The following ADAMTS1 variants were observed in gnomAD, a reference collection of about 807,000 sequenced individuals.
ADAMTS1 encodes A disintegrin and metalloproteinase with thrombospondin motifs 1.
A neutral mutation model predicts 87.9 loss-of-function variants in ADAMTS1; 19 were observed. The ratio of observed to expected loss-of-function variants is 0.22; its 90% confidence interval spans 0.15 to 0.32. The LOEUF (loss-of-function observed/expected upper bound fraction) is 0.32. Ranked by LOEUF, ADAMTS1 falls within the 10% of genes least tolerant of loss-of-function variation. The probability of loss-of-function intolerance (pLI) is 1.00; values close to 1 mark genes in which losing one functional copy is unlikely to be tolerated. For missense variants in ADAMTS1, 1,240 were observed against 1,259.1 expected (o/e 0.98, Z 0.23); for synonymous variants, 542 against 501.8 (o/e 1.08, Z -1.07).
At chr21:26,842,774 A>T (rs1461250995) in intron 1 of ADAMTS1, 89 bp from the exon 2 acceptor site, 15 of 999,244 alleles carry the variant, frequency 1.5e-5, no homozygotes, top group Non-Finnish European at 2.0e-5. Flanking sequence ...TAACCAGTCA[A>T]AGCAAACAAA....
In ADAMTS1 at chr21:26,842,458, C is replaced by G; in HGVS notation, c.958G>C (p.Glu320Gln). 1 of 1,614,170 alleles carries G rather than the reference C, an allele frequency of 6.2e-7. No individual in the cohort carries two copies. Among genetic ancestry groups the G allele is most frequent in the Non-Finnish European group, 8.5e-7 (1 of 1,180,042 alleles). Reference sequence around the variant, plus strand: ...GTGAGGGCAGCATTGGAGGTCACTTCCGGCCCCTTCTGTTCATCGTGGATG... The same window carrying G: ...GTGAGGGCAGCATTGGAGGTCACTTGCGGCCCCTTCTGTTCATCGTGGATG... The part of the protein sequence containing the change: ...LVIHDEQKGP[E>Q]VTSNAALTLR... Residue 320 changes from glutamate to glutamine, a missense_variant, in exon 2 of 9, where the codon GAA becomes CAA. Glu to Gln is a conservative substitution (Grantham distance 29, BLOSUM62 2). Transcript: ENST00000284984.
Position 26,837,760 on chromosome 21 carries a change from G to T in ADAMTS1, c.2723C>A (p.Pro908His), listed in dbSNP as rs929940945. ...CTCCCCCAGCTGCCACTGGGGGCAG[G>T]GATGGTCTGCACAAGGTCTGGTGCT... is the stretch of plus-strand genomic sequence containing the variant. ...PASTRPCADH[P>H]CPQWQLGEWS... The change falls in exon 9 of 9, where the codon CCC (proline) becomes CAC (histidine). Residue 908 changes from proline to histidine, a missense_variant. Coordinates refer to ENST00000284984, the MANE Select transcript of ADAMTS1 (RefSeq NM_006988.5). 1 of 1,614,156 alleles carries T rather than the reference G, an allele frequency of 6.2e-7. No homozygotes were observed. The highest frequency in any genetic ancestry group is 1.3e-5 in the African/African-American group (1 of 75,026).
At chr21:26,843,609 A>T (rs1985542568) in intron 1 of ADAMTS1, 2 of 462,182 alleles carry the variant, frequency 4.3e-6, no homozygotes, top group Non-Finnish European at 9.0e-6. Flanking sequence ...GGCGGGGCAA[A>T]CCCGGGAAAG....
Position 26,844,857 on chromosome 21 carries a change from A to G in ADAMTS1, c.98T>C (p.Val33Ala). The change falls in exon 1 of 9, where the codon GTA (valine) becomes GCA (alanine). Residue 33 changes from valine to alanine, a missense_variant. By Grantham distance (64) the Val-to-Ala change is moderately conservative (BLOSUM62 0). Coordinates refer to ENST00000284984, the MANE Select transcript of ADAMTS1 (RefSeq NM_006988.5). ...CGCGGCGAGCAGCAGCAGCGTGGGTACTGGCCCAAAGCTCCGAGACCCCGG... is the reference window on the plus strand; with the variant it reads ...CGCGGCGAGCAGCAGCAGCGTGGGTGCTGGCCCAAAGCTCCGAGACCCCGG... ...RAPGSRSFGP[V>A]PTLLLLAAAL... 1 of 1,561,464 alleles carries G rather than the reference A, an allele frequency of 6.4e-7. No individual in the cohort carries two copies. The highest frequency in any genetic ancestry group is 8.7e-7 in the Non-Finnish European group (1 of 1,154,514).
chr21:26,842,160 A>C (rs997618211), intron 2 of ADAMTS1, among the ~76,000 whole-genome samples, 170 bp from the exon 3 acceptor site: 2 of 152,230 alleles, frequency 1.3e-5, no homozygotes, highest in Admixed American at 6.5e-5. Context: ...ATGCTTTTAA[A>C]ATAGAACTGT....
At chr21:26,838,728 C>CA (rs745402197) in intron 7 of ADAMTS1, 114 bp from the exon 8 acceptor site, 83 of 1,004,910 alleles carry the variant, frequency 8.3e-5, no homozygotes, top group Non-Finnish European at 1.1e-4. Flanking sequence ...AAACACAGTA[C>CA]CCTCTACACA....
rs748838566 is a variant in ADAMTS1, at chr21:26,840,593, C to G, written c.1379-31G>C. ...AAGGAAATGCCAACCAATATCAATACAGAGTTAGTGAGGGCATGAAGGGGT... is the reference window on the plus strand; with the variant it reads ...AAGGAAATGCCAACCAATATCAATAGAGAGTTAGTGAGGGCATGAAGGGGT... On this transcript the variant is annotated intron_variant, in intron 4 of 8. Coordinates refer to ENST00000284984, the MANE Select transcript of ADAMTS1 (RefSeq NM_006988.5). The G allele has an allele frequency of 3.7e-6, 6 of 1,605,816 alleles. 1 individual carries two copies. The South Asian group carries it at 6.7e-5, about 18-fold the overall frequency.
chr21:26,838,050 A>G lies in ADAMTS1; in HGVS notation c.2433T>C (p.Ile811=), dbSNP rs751930944. ...GCTCTTTGAGAGGGCTAAAGCTGCG[A>G]ATTCTTTCCAATGCCGCAGAGGAGC... ...YSGSSAALER[I]RSFSPLKEPL... The change falls in exon 9 of 9, where the codon ATT becomes ATC. Residue 811 remains isoleucine, a synonymous_variant. Coordinates refer to ENST00000284984, the MANE Select transcript of ADAMTS1 (RefSeq NM_006988.5). 1 of 1,614,172 alleles carries G rather than the reference A, an allele frequency of 6.2e-7. No individual in the cohort carries two copies. The highest frequency in any genetic ancestry group is 1.1e-5 in the South Asian group (1 of 91,080).
At chr21:26,842,024 G>T in intron 2 of ADAMTS1, 34 bp from the exon 3 acceptor site, 1 of 1,607,192 alleles carries the variant, frequency 6.2e-7, no homozygotes, top group South Asian at 1.1e-5. Flanking sequence ...TTATTAATAA[G>T]GGGAGCATGA....
At position 26,845,112 on chromosome 21, in the gene ADAMTS1, T is replaced by C; in HGVS notation, c.-158A>G. 2.8e-6 allele frequency: 3 copies of C among 1,074,680 alleles called. No individual in the cohort carries two copies. In the East Asian group the frequency reaches 9.0e-5, roughly 32 times the overall value. 66.6% of individuals were successfully genotyped at this position (1,074,680 alleles called of 1,614,324 possible). The stretch of plus-strand genomic sequence containing the variant: ...GCGCAGAGCCGGCTACAGCCGAAGC[T>C]CCCGGAGTCACTAAAAGGAGGCGCT... On this transcript the variant is annotated 5_prime_UTR_variant, in exon 1 of 9. Coordinates refer to ENST00000284984, the MANE Select transcript of ADAMTS1 (RefSeq NM_006988.5).
At chr21:26,843,557 TGA>T (rs1483197538) in intron 1 of ADAMTS1, 6 of 469,444 alleles carry the variant, frequency 1.3e-5, no homozygotes, top group Admixed American at 7.1e-5. Context: ...CAACAGTGCT[TGA>T]GAGCAGAATT....
rs1483105810 is a variant in ADAMTS1 at position 26,837,741 on chromosome 21, C to A, written c.2742G>T (p.Leu914=). 1 of 1,614,076 alleles carries A rather than the reference C, an allele frequency of 6.2e-7. No individual in the cohort carries two copies. The highest frequency in any genetic ancestry group is 1.3e-5 in the African/African-American group (1 of 74,924). Residue 914 remains leucine (L), a synonymous_variant, in exon 9 of 9, where the codon CTG becomes CTT. Coordinates refer to ENST00000284984, the MANE Select transcript of ADAMTS1 (RefSeq NM_006988.5). ...CADHPCPQWQ[L]GEWSSCSKTC... ...TCTTAGAACATGATGACCACTCCCC[C>A]AGCTGCCACTGGGGGCAGGGATGGT...
At position 26,838,132 on chromosome 21, in the gene ADAMTS1, G is replaced by T. The variant is rs1246342070; in HGVS notation, c.2351C>A (p.Thr784Asn). The T allele has an allele frequency of 6.2e-7, 1 of 1,613,994 alleles. No homozygotes were observed. Among genetic ancestry groups the T allele is most frequent in the Non-Finnish European group, 8.5e-7 (1 of 1,180,030 alleles). Residue 784 changes from threonine to asparagine, a missense_variant, in exon 9 of 9, where the codon ACT (threonine) becomes AAT (asparagine). Coordinates refer to ENST00000284984, the MANE Select transcript of ADAMTS1 (RefSeq NM_006988.5). ...AATGTCTTGCTCTAAGGTGGACAAA[G>T]TGTAGTCACCATTAAGAATATATGT... Reference protein sequence around the residue: ...DGTYILNGDYTLSTLEQDIMY... With the variant: ...DGTYILNGDYNLSTLEQDIMY...
In ADAMTS1 at chr21:26,838,123, G is replaced by A; in HGVS notation, c.2360C>T (p.Thr787Ile). 6.2e-7 allele frequency: 1 copy of A among 1,614,104 alleles called. No homozygotes were observed. Among genetic ancestry groups the A allele is most frequent in the Non-Finnish European group, 8.5e-7 (1 of 1,180,018 alleles). Residue 787 changes from threonine to isoleucine, a missense_variant, in exon 9 of 9, where the codon ACC (threonine) becomes ATC (isoleucine). Thr to Ile is a moderately conservative substitution (Grantham distance 89). Transcript: ENST00000284984. ...YILNGDYTLSTLEQDIMYKGV... is the reference protein window; with the variant it reads ...YILNGDYTLSILEQDIMYKGV... ...TTTGTACATAATGTCTTGCTCTAAG[G>A]TGGACAAAGTGTAGTCACCATTAAG...
rs112201459 is a variant in ADAMTS1 at position 26,839,865 on chromosome 21, T to G, written c.1852+10A>C. On this transcript the variant is annotated intron_variant, in intron 6 of 8. Coordinates refer to ENST00000284984, the MANE Select transcript of ADAMTS1 (RefSeq NM_006988.5). ...CCAGTTTCTTAAAACCAGAGTCCGTTGCTCCTCACCATTATTGTCTGGACA... is the reference window on the plus strand; with the variant it reads ...CCAGTTTCTTAAAACCAGAGTCCGTGGCTCCTCACCATTATTGTCTGGACA... The G allele has an allele frequency of 6.2e-7, 1 of 1,611,862 alleles. No individual in the cohort carries two copies. Among genetic ancestry groups the G allele is most frequent in the African/African-American group, 1.3e-5 (1 of 74,804 alleles).
chr21:26,844,456 G>T lies in ADAMTS1; in HGVS notation c.499C>A (p.Arg167Ser). Residue 167 changes from arginine (R) to serine (S), a missense_variant, in exon 1 of 9, where the codon CGC (arginine) becomes AGC (serine). This residue lies in a region of ADAMTS1 where 521 missense variants were observed against 449.7 expected (regional missense o/e 1.16). Transcript: ENST00000284984. The stretch of plus-strand genomic sequence containing the variant: ...TCCCCTGGGGCGGCGGTGGCGAGGC[G>T]CTCGCTGGCGGCGGGCAGCGGCTGG... ...FIQPLPAASERLATAAPGEKP... is the reference protein window; with the variant it reads ...FIQPLPAASESLATAAPGEKP... 1 of 1,586,752 alleles carries T rather than the reference G, an allele frequency of 6.3e-7. No homozygotes were observed. Among genetic ancestry groups the T allele is most frequent in the Non-Finnish European group, 8.6e-7 (1 of 1,166,310 alleles).
Position 26,842,450 on chromosome 21 carries a change from G to C in ADAMTS1, c.966C>G (p.Thr322=), listed in dbSNP as rs1288518174. ...IHDEQKGPEV[T]SNAALTLRNF... is the part of the protein sequence containing the mutation. ...TCCGCAGAGTGAGGGCAGCATTGGA[G>C]GTCACTTCCGGCCCCTTCTGTTCAT... The change falls in exon 2 of 9, where the codon ACC becomes ACG. Residue 322 remains threonine (T), a synonymous_variant. Transcript: ENST00000284984. The C allele has an allele frequency of 2.5e-6, 4 of 1,614,138 alleles. No homozygotes were observed. The highest frequency in any genetic ancestry group is 1.7e-5 in the Admixed American group (1 of 60,004).
rs1985383946 is a variant in ADAMTS1 at position 26,837,236 on chromosome 21, A to G, written c.*343T>C. 4.7e-6 allele frequency: 1 copy of G among 212,078 alleles called. No individual in the cohort carries two copies. The highest frequency in any genetic ancestry group is 9.6e-6 in the Non-Finnish European group (1 of 104,404). The allele number at this position is 212,078 out of a possible 1,614,324, so 13.1% of individuals were successfully genotyped here. On this transcript the variant is annotated 3_prime_UTR_variant, in exon 9 of 9. Transcript: ENST00000284984. Reference sequence around the variant, plus strand: ...CTAAGTATTTGATAAGTACCAGGAAACAGGGGTTGTAATAGTTCTAACTTT... The same window carrying G: ...CTAAGTATTTGATAAGTACCAGGAAGCAGGGGTTGTAATAGTTCTAACTTT...
chr21:26,844,343 C>G lies in ADAMTS1; in HGVS notation c.612G>C (p.Glu204Asp). 4 of 1,605,020 alleles carry G rather than the reference C, an allele frequency of 2.5e-6. No individual in the cohort carries two copies. Among genetic ancestry groups the G allele is most frequent in the East Asian group, 2.3e-5 (1 of 44,320 alleles). ...TCTCCGCTTTCCCAGTCGGCCGGGG[C>G]TCGTCGTCCACGACCCCGCACGTGC... ...VGGTCGVVDDEPRPTGKAETE... is the reference protein window; with the variant it reads ...VGGTCGVVDDDPRPTGKAETE... Residue 204 changes from glutamate to aspartate, a missense_variant, in exon 1 of 9, where the codon GAG becomes GAC. Physicochemically the swap from Glu to Asp is conservative, Grantham distance 45. Transcript: ENST00000284984.
Sources: allele counts gnomAD v4.1 joint callset (sites outside exome capture counted in the v4.1 genomes callset), GRCh38; gene constraint gnomAD v4.1.1; regional missense constraint gnomAD v4.1.1; transcripts MANE v1.5; gene names NCBI Gene and HGNC (gene_info 2026-07-23, HGNC 2026-07-21).